PLA2G4A: variants seen among roughly 807,000 people sequenced by gnomAD.
The protein encoded by PLA2G4A is phospholipase A2 group IVA.
A neutral mutation model predicts 81.9 loss-of-function variants in PLA2G4A; 40 were observed. The observed-to-expected ratio is 0.49, with a 90% CI of 0.38 to 0.64. The LOEUF is 0.64. Among genes scored for constraint, PLA2G4A ranks in the 30% least tolerant of loss-of-function variants. The probability of loss-of-function intolerance (pLI) is 0.00; values close to 1 mark genes in which losing one functional copy is unlikely to be tolerated. For synonymous variants in PLA2G4A, 302 were observed against 296.9 expected (o/e 1.02, Z -0.18); for missense variants, 715 against 905.1 (o/e 0.79, Z 2.69).
chr1:186,946,989 A>G (rs1217543108), intron 12 of PLA2G4A, 28 bp downstream of exon 12: 3 of 1,198,720 alleles, frequency 2.5e-6, no homozygotes, highest in Admixed American at 1.7e-5. Context: ...TTACATTGAT[A>G]CAAATCTTGC....
At chr1:186,941,871 C>T (rs545267809) in intron 10 of PLA2G4A, among the ~76,000 whole-genome samples, 13 of 152,270 alleles carry the variant, frequency 8.5e-5, no homozygotes, top group South Asian at 2.1e-4. Context: ...ATATAATCTA[C>T]GTTAGACCCA....
chr1:186,845,847 G>C (rs760718516), intron 1 of PLA2G4A, among the ~76,000 whole-genome samples: 2 of 152,112 alleles, frequency 1.3e-5, no homozygotes. Flanking sequence ...GCATCGGGAA[G>C]TATCTGTTGA....
rs1263755137 is a variant in PLA2G4A, at chr1:186,979,583, A to C, written c.2118+111A>C. On this transcript the variant is annotated intron_variant, in intron 17 of 17. Transcript: ENST00000367466. ...AAAAATAAGTGTTATGAATGACACCACCCAAAATATGCCACTTTACTTTTC... is the reference window on the plus strand; with the variant it reads ...AAAAATAAGTGTTATGAATGACACCCCCCAAAATATGCCACTTTACTTTTC... 4.0e-6 allele frequency: 3 copies of C among 756,726 alleles called. No homozygotes were observed. In the Admixed American group the frequency reaches 6.5e-5, roughly 16 times the overall value. The allele number at this position is 756,726 out of a possible 1,614,324, so 46.9% of individuals were successfully genotyped here. A position where few individuals can be genotyped will look rare whatever the true frequency, so the allele number is the denominator to read the frequency against.
At chr1:186,970,384 T>C (rs998062167) in intron 15 of PLA2G4A, among the ~76,000 whole-genome samples, 7 of 152,136 alleles carry the variant, frequency 4.6e-5, no homozygotes, top group African/African-American at 1.4e-4. Flanking sequence ...ATTATTTCTT[T>C]TGCTGTGCAG....
At chr1:186,844,268 T>C (rs1315447949) in intron 1 of PLA2G4A, among the ~76,000 whole-genome samples, 3 of 152,234 alleles carry the variant, frequency 2.0e-5, no homozygotes, top group African/African-American at 7.2e-5. Flanking sequence ...TGTTTCTTTA[T>C]TCCTTTGTGC....
In PLA2G4A at chr1:186,949,859, CAAA is replaced by C. The variant is rs10592003; in HGVS notation, c.1265-782_1265-780del. Among the ~76,000 whole-genome samples, 1,110 of 147,404 alleles carry C rather than the reference CAAA, an allele frequency of 7.5e-3. 16 individuals carry two copies. The highest frequency in any genetic ancestry group is 0.026 in the African/African-American group (1,029 of 40,086). On this transcript the variant is annotated intron_variant, in intron 12 of 17. Transcript: ENST00000367466. The stretch of plus-strand genomic sequence containing the variant: ...CAATAGAGTGAGACTTCATTTCTAC[CAAA>C]AAAAAAAAAAAAAAATTAAAAAAAT...
intron 3 of PLA2G4A, among the ~76,000 whole-genome samples, chr1:186,891,435 T>C (rs1400719495): frequency 3.9e-5 from 6 of 152,110 alleles, no homozygotes; most frequent in Admixed American, 3.3e-4. Context: ...CCATTAACCA[T>C]CCCCACCTCC....
intron 3 of PLA2G4A, among the ~76,000 whole-genome samples, chr1:186,872,120 A>G (rs1246583963): frequency 2.0e-5 from 3 of 152,082 alleles, no homozygotes; most frequent in African/African-American, 4.8e-5. Context: ...TTTCTTCAAA[A>G]CTAGCTTCGA....
chr1:186,854,176 C>T, intron 1 of PLA2G4A, 110 bp from the exon 2 acceptor site: 1 of 574,568 alleles, frequency 1.7e-6, no homozygotes. Flanking sequence ...CTCAACCTAT[C>T]TAGTGTCCTT....
At chr1:186,911,687 T>G (rs1432576199) in intron 7 of PLA2G4A, among the ~76,000 whole-genome samples, 1 of 152,148 alleles carries the variant, frequency 6.6e-6, no homozygotes, top group Non-Finnish European at 1.5e-5. Context: ...CCAATATGCT[T>G]CTTCTCCCTG....
At chr1:186,968,628 A>G (rs952868982) in intron 15 of PLA2G4A, among the ~76,000 whole-genome samples, 1 of 151,880 alleles carries the variant, frequency 6.6e-6, no homozygotes, top group African/African-American at 2.4e-5. Context: ...ACAGATACGT[A>G]TTTATTTAAC....
intron 13 of PLA2G4A, among the ~76,000 whole-genome samples, chr1:186,952,692 A>G (rs1307411595): frequency 6.8e-6 from 1 of 146,320 alleles, no homozygotes; most frequent in African/African-American, 2.5e-5. Context: ...ACTGCTCTAA[A>G]AATCCTGTCT....
intron 4 of PLA2G4A, among the ~76,000 whole-genome samples, chr1:186,893,577 G>C (rs1379412626): frequency 6.6e-6 from 1 of 152,002 alleles, no homozygotes; most frequent in East Asian, 1.9e-4. Flanking sequence ...CATGATAATT[G>C]AATAAATCAA....
intron 15 of PLA2G4A, among the ~76,000 whole-genome samples, chr1:186,966,370 G>A (rs552172894): frequency 1.3e-5 from 2 of 152,180 alleles, no homozygotes; most frequent in South Asian, 2.1e-4. Flanking sequence ...GATGGGAAGT[G>A]GGAAAGGAAT....
intron 7 of PLA2G4A, among the ~76,000 whole-genome samples, chr1:186,919,553 T>C (rs930074614): frequency 2.0e-4 from 31 of 152,034 alleles, no homozygotes; most frequent in African/African-American, 7.5e-4. Flanking sequence ...TGGCAGGAAA[T>C]TTTTGTAGGT....
At chr1:186,881,607 A>G (rs1268130538) in intron 3 of PLA2G4A, among the ~76,000 whole-genome samples, 1 of 152,112 alleles carries the variant, frequency 6.6e-6, no homozygotes. Context: ...TGGAGTTATT[A>G]TGAAGGGAGG....
At chr1:186,911,531 T>G (rs1654942728) in intron 7 of PLA2G4A, 142 bp downstream of exon 7, 3 of 700,424 alleles carry the variant, frequency 4.3e-6, no homozygotes, top group Non-Finnish European at 7.7e-6. Flanking sequence ...AAGTGATTTG[T>G]AAATGAAAAC....
intron 7 of PLA2G4A, among the ~76,000 whole-genome samples, chr1:186,914,587 G>A (rs893013453): frequency 1.3e-5 from 2 of 152,126 alleles, no homozygotes; most frequent in Non-Finnish European, 2.9e-5. Context: ...ACTGGGGGCT[G>A]CATGCACCAG....
At chr1:186,981,476 C>T (rs999447749) in intron 17 of PLA2G4A, among the ~76,000 whole-genome samples, 6 of 152,106 alleles carry the variant, frequency 3.9e-5, no homozygotes, top group African/African-American at 9.7e-5. Flanking sequence ...ACAACTGTCC[C>T]GACCTATACA....
Sources: allele counts gnomAD v4.1 joint callset (sites outside exome capture counted in the v4.1 genomes callset), GRCh38; gene constraint gnomAD v4.1.1; transcripts MANE v1.5; gene names NCBI Gene and HGNC (gene_info 2026-07-23, HGNC 2026-07-21).